Variants in WDFY3 observed in about 807,000 individuals in gnomAD.
WDFY3 encodes WD repeat and FYVE domain containing 3.
A neutral mutation model predicts 409.6 loss-of-function variants in WDFY3; 66 were observed. The observed-to-expected ratio is 0.16, with a 90% CI of 0.13 to 0.20. WDFY3 has a LOEUF of 0.20. WDFY3 is among the 10% of genes least tolerant of loss of function. WDFY3 has a pLI of 1.00. For missense variants in WDFY3, 3,031 were observed against 4,298.1 expected (o/e 0.71, Z 8.24); for synonymous variants, 1,521 against 1,537.1 (o/e 0.99, Z 0.25).
intron 2 of WDFY3, among the ~76,000 whole-genome samples, chr4:84,919,251 TAC>T (rs1291715990): frequency 5.9e-5 from 9 of 151,938 alleles, no homozygotes; most frequent in Non-Finnish European, 1.2e-4. Context: ...AATAAAACAA[TAC>T]ATATAGATAA....
chr4:84,864,974 C>T (rs546197423), intron 3 of WDFY3, among the ~76,000 whole-genome samples: 4 of 152,122 alleles, frequency 2.6e-5, no homozygotes, highest in Non-Finnish European at 5.9e-5. Context: ...ACTGCATCCT[C>T]GAACTCCTGG....
At chr4:84,789,042 T>C (rs1014872480) in intron 22 of WDFY3, among the ~76,000 whole-genome samples, 1 of 151,762 alleles carries the variant, frequency 6.6e-6, no homozygotes, top group African/African-American at 2.4e-5. Flanking sequence ...ACAATAAAAA[T>C]AAAATAAAAT....
chr4:84,945,640 G>A (rs562646713), intron 1 of WDFY3, among the ~76,000 whole-genome samples: 2 of 152,194 alleles, frequency 1.3e-5, no homozygotes, highest in East Asian at 3.9e-4. Context: ...ATATTGGGGT[G>A]CTGTCCTATA....
chr4:84,765,902 G>A lies in WDFY3; in HGVS notation c.5096C>T (p.Ser1699Phe). 1 of 1,613,878 alleles carries A rather than the reference G, an allele frequency of 6.2e-7. No homozygotes were observed. Among genetic ancestry groups the A allele is most frequent in the Non-Finnish European group, 8.5e-7 (1 of 1,179,934 alleles). ...RILVVLLSNQ[S>F]ILIKFKEGLS... ...TCCTTCTTTAAACTTGATGAGAATAGACTGATTACTTAGTAGGACAACAAG... is the reference window on the plus strand; with the variant it reads ...TCCTTCTTTAAACTTGATGAGAATAAACTGATTACTTAGTAGGACAACAAG... Residue 1699 changes from serine to phenylalanine, a missense_variant, in exon 32 of 68, where the codon TCT becomes TTT. Ser to Phe is a radical substitution (Grantham distance 155, BLOSUM62 -2). This residue lies in a region of WDFY3 where 342 missense variants were observed against 463.7 expected (regional missense o/e 0.74). Transcript: ENST00000295888.
At chr4:84,762,590 GTACCC>G (rs1742850359) in intron 32 of WDFY3, among the ~76,000 whole-genome samples, 2 of 151,896 alleles carry the variant, frequency 1.3e-5, no homozygotes, top group African/African-American at 4.8e-5. Flanking sequence ...TTGTGCACAT[GTACCC>G]TAAAACTTGA....
At chr4:84,857,020 A>T (rs1201190797) in intron 4 of WDFY3, among the ~76,000 whole-genome samples, 1 of 152,200 alleles carries the variant, frequency 6.6e-6, no homozygotes, top group Non-Finnish European at 1.5e-5. Flanking sequence ...AATAAGAATT[A>T]TTTTTAAAAT....
At chr4:84,900,049 A>G (rs1766143351) in intron 2 of WDFY3, among the ~76,000 whole-genome samples, 1 of 152,130 alleles carries the variant, frequency 6.6e-6, no homozygotes, top group Non-Finnish European at 1.5e-5. Context: ...ACCCTGTTTC[A>G]AAAAATAAAG....
intron 32 of WDFY3, among the ~76,000 whole-genome samples, chr4:84,761,824 A>G (rs530357068): frequency 6.6e-6 from 1 of 152,354 alleles, no homozygotes; most frequent in Non-Finnish European, 1.5e-5. Flanking sequence ...ACACTTCTCA[A>G]AAGAAGGCAT....
At chr4:84,921,506 A>G (rs1270961319) in intron 2 of WDFY3, among the ~76,000 whole-genome samples, 1 of 152,066 alleles carries the variant, frequency 6.6e-6, no homozygotes, top group Non-Finnish European at 1.5e-5. Context: ...AATAGCAAGC[A>G]TAATCAGAGA....
In WDFY3 at chr4:84,670,371, ATAAT is replaced by A. The variant is rs745607534; in HGVS notation, c.*2493_*2496del. ...GGAACACAGAAAGATATCCAGAGAA[ATAAT>A]TAGTTTATGTATGTGAGTGTACTTG... On this transcript the variant is annotated 3_prime_UTR_variant, in exon 68 of 68. Coordinates refer to ENST00000295888, the MANE Select transcript of WDFY3 (RefSeq NM_014991.6). 1.3e-5 allele frequency: 2 copies of A among 152,810 alleles called. No homozygotes were observed. Among genetic ancestry groups the A allele is most frequent in the South Asian group, 2.1e-4 (1 of 4,832 alleles). The allele number at this position is 152,810 out of a possible 1,614,324, so 9.5% of individuals were successfully genotyped here.
chr4:84,949,010 T>A (rs1302094057), intron 1 of WDFY3, among the ~76,000 whole-genome samples: 1 of 152,114 alleles, frequency 6.6e-6, no homozygotes, highest in African/African-American at 2.4e-5. Context: ...CTCTGGCTGT[T>A]TACCCCTGGC....
At chr4:84,750,959 A>G (rs1422733213) in intron 36 of WDFY3, among the ~76,000 whole-genome samples, 1 of 152,254 alleles carries the variant, frequency 6.6e-6, no homozygotes, top group Admixed American at 6.5e-5. Context: ...CCTGGCAATG[A>G]CAGGTAAGAG....
intron 3 of WDFY3, among the ~76,000 whole-genome samples, chr4:84,894,676 C>T (rs981985126): frequency 3.3e-5 from 5 of 152,130 alleles, no homozygotes; most frequent in Non-Finnish European, 5.9e-5. Flanking sequence ...TTCCCAGCTA[C>T]TCAGGAGGCT....
At chr4:84,710,606 A>C (rs2148996774) in intron 51 of WDFY3, among the ~76,000 whole-genome samples, 1 of 152,344 alleles carries the variant, frequency 6.6e-6, no homozygotes, top group South Asian at 2.1e-4. Context: ...TGAATGTACA[A>C]GATACTCTCT....
chr4:84,810,475 G>T, intron 13 of WDFY3, 131 bp from the exon 14 acceptor site: 1 of 771,582 alleles, frequency 1.3e-6, no homozygotes, highest in Non-Finnish European at 1.9e-6. Flanking sequence ...CCAATAAACG[G>T]TCCTATAAAG....
rs564024693 is a variant in WDFY3 at position 84,765,132 on chromosome 4, C to T, written c.5188+678G>A. On this transcript the variant is annotated intron_variant, in intron 32 of 67. Transcript: ENST00000295888. ...TTTTTAAAATTATTTAACTGAATGA[C>T]TTTGCCTTTAAATAAAGACAGTATC... Among the ~76,000 whole-genome samples, 22 of 152,236 alleles carry T rather than the reference C, an allele frequency of 1.4e-4. No individual in the cohort carries two copies. The South Asian group carries it at 4.6e-3, about 32-fold the overall frequency.
intron 2 of WDFY3, among the ~76,000 whole-genome samples, chr4:84,906,824 T>C (rs1420880070): frequency 6.6e-6 from 1 of 151,906 alleles, no homozygotes; most frequent in Admixed American, 6.6e-5. Flanking sequence ...GTATATTTTA[T>C]ATGTGGCCCA....
chr4:84,718,311 A>G, intron 48 of WDFY3, 111 bp downstream of exon 48: 1 of 1,138,474 alleles, frequency 8.8e-7, no homozygotes. Flanking sequence ...ACACAAACCG[A>G]GAGATAACAT....
At chr4:84,893,774 C>A (rs924600941) in intron 3 of WDFY3, among the ~76,000 whole-genome samples, 3 of 152,098 alleles carry the variant, frequency 2.0e-5, no homozygotes, top group Non-Finnish European at 2.9e-5. Context: ...ATCATAAGGT[C>A]AGGAGTTCAA....
Sources: gnomAD v4.1 joint callset for allele counts (sites outside exome capture counted in the v4.1 genomes callset) on GRCh38, gnomAD v4.1.1 for gene constraint, gnomAD v4.1.1 regional missense constraint, MANE v1.5 for transcripts, NCBI Gene and HGNC (gene_info 2026-07-23, HGNC 2026-07-21) for gene names.